Variants in WDPCP observed in about 807,000 individuals in gnomAD.
WDPCP encodes WD repeat containing planar cell polarity effector, also known as WD repeat-containing and planar cell polarity effector protein fritz homolog.
A neutral mutation model predicts 93.1 loss-of-function variants in WDPCP; 71 were observed. The observed-to-expected ratio is 0.76, with a 90% CI of 0.63 to 0.93. The LOEUF is 0.93. Among genes scored for constraint, WDPCP ranks in the 40% least tolerant of loss-of-function variants. WDPCP has a pLI of 0.00. For synonymous variants in WDPCP, 315 were observed against 315.0 expected, an observed-to-expected ratio of 1.00 and a Z score of 0.00; for missense variants, 844 against 887.4, an observed-to-expected ratio of 0.95 and a Z score of 0.62.
chr2:63,410,628 C>A (rs1694955548), intron 9 of WDPCP, among the ~76,000 whole-genome samples: 1 of 152,126 alleles, frequency 6.6e-6, no homozygotes, highest in Non-Finnish European at 1.5e-5. Context: ...CTACCAACTA[C>A]CTGATGCCTT....
At chr2:63,155,275 A>G (rs1365416545) in intron 15 of WDPCP, among the ~76,000 whole-genome samples, 1 of 152,104 alleles carries the variant, frequency 6.6e-6, no homozygotes, top group African/African-American at 2.4e-5. Flanking sequence ...ATTTAGATCT[A>G]TGATTTATTT....
chr2:63,732,265 G>C (rs1433981281), intron 2 of WDPCP, among the ~76,000 whole-genome samples: 3 of 152,204 alleles, frequency 2.0e-5, no homozygotes, highest in Non-Finnish European at 4.4e-5. Flanking sequence ...ATTAAAATGG[G>C]ACATAAAGAA....
intron 1 of WDPCP, among the ~76,000 whole-genome samples, chr2:63,823,952 T>C (rs1452647659): frequency 1.3e-5 from 2 of 151,900 alleles, no homozygotes; most frequent in Non-Finnish European, 2.9e-5. Flanking sequence ...GGCAGGAGGG[T>C]TGCTTGAGCC....
chr2:63,513,925 C>T (rs150498931), intron 1 of WDPCP, among the ~76,000 whole-genome samples: 185 of 151,790 alleles, frequency 1.2e-3, no homozygotes, highest in African/African-American at 4.4e-3. Context: ...ATTTACTGTG[C>T]TTTTCTCTTG....
intron 1 of WDPCP, among the ~76,000 whole-genome samples, chr2:63,522,495 CAA>C (rs1491344260): frequency 4.0e-5 from 6 of 149,842 alleles, no homozygotes; most frequent in African/African-American, 9.8e-5. Context: ...CACACACACA[CAA>C]ACATACAAAA....
chr2:63,793,278 A>G (rs1670568911), intron 2 of WDPCP, among the ~76,000 whole-genome samples: 1 of 152,050 alleles, frequency 6.6e-6, no homozygotes, highest in African/African-American at 2.4e-5. Context: ...GAGCTTCTTG[A>G]TTCTTTTTAA....
At chr2:63,659,028 C>T (rs1710198346) in intron 2 of WDPCP, among the ~76,000 whole-genome samples, 1 of 152,196 alleles carries the variant, frequency 6.6e-6, no homozygotes, top group Non-Finnish European at 1.5e-5. Context: ...CTATATTCAC[C>T]TTTGGAAACC....
At chr2:63,353,557 A>C (rs1158436898) in intron 12 of WDPCP, among the ~76,000 whole-genome samples, 1 of 152,160 alleles carries the variant, frequency 6.6e-6, no homozygotes, top group Non-Finnish European at 1.5e-5. Context: ...TGGAGAGTCC[A>C]AGCTGACCAG....
chr2:63,673,215 C>G (rs1264367291), intron 2 of WDPCP, among the ~76,000 whole-genome samples: 1 of 151,996 alleles, frequency 6.6e-6, no homozygotes, highest in African/African-American at 2.4e-5. Context: ...GAGGAGATAC[C>G]AAACCACTTA....
At chr2:63,704,016 G>A (rs1435839274) in intron 2 of WDPCP, among the ~76,000 whole-genome samples, 6 of 152,042 alleles carry the variant, frequency 3.9e-5, no homozygotes, top group African/African-American at 7.2e-5. Context: ...GGTCCTTCAT[G>A]TCCCTTGTAA....
chr2:63,435,013 C>T (rs772229390), intron 8 of WDPCP, among the ~76,000 whole-genome samples: 1 of 151,900 alleles, frequency 6.6e-6, no homozygotes, highest in Non-Finnish European at 1.5e-5. Context: ...TATTTTTTTT[C>T]AATATGGTCA....
chr2:63,197,827 A>C (rs1019178000), intron 14 of WDPCP, among the ~76,000 whole-genome samples: 2 of 152,216 alleles, frequency 1.3e-5, no homozygotes, highest in African/African-American at 4.8e-5. Context: ...ACCTAGCCAA[A>C]GAAAGTTCTC....
intron 13 of WDPCP, among the ~76,000 whole-genome samples, chr2:63,297,115 C>A (rs1159476608): frequency 6.6e-6 from 1 of 152,146 alleles, no homozygotes; most frequent in Non-Finnish European, 1.5e-5. Context: ...AGCCAGCAAA[C>A]GAGGCACAGC....
At chr2:63,578,593 C>T (rs903816923) in intron 1 of WDPCP, among the ~76,000 whole-genome samples, 2 of 151,986 alleles carry the variant, frequency 1.3e-5, no homozygotes, top group African/African-American at 2.4e-5. Context: ...GTAAGTAAAA[C>T]GGGAAACTTA....
At chr2:63,589,414 T>C, upstream of WDPCP, 2 of 1,542,958 alleles carry the variant, frequency 1.3e-6, no homozygotes, top group South Asian at 2.4e-5. Flanking sequence ...GGTTGGGTCC[T>C]AACCCCTTTT....
At chr2:63,318,226 T>G (rs1043133008) in intron 12 of WDPCP, among the ~76,000 whole-genome samples, 2 of 152,058 alleles carry the variant, frequency 1.3e-5, no homozygotes, top group African/African-American at 4.8e-5. Flanking sequence ...TACCATCTCA[T>G]AACCAGTCAG....
chr2:63,306,604 C>T (rs904424938), intron 13 of WDPCP, among the ~76,000 whole-genome samples: 14 of 152,270 alleles, frequency 9.2e-5, no homozygotes, highest in Admixed American at 8.5e-4. Context: ...AATAAATAAA[C>T]GTAATCCATC....
At chr2:63,234,663 T>C (rs559420490) in intron 14 of WDPCP, among the ~76,000 whole-genome samples, 1 of 152,288 alleles carries the variant, frequency 6.6e-6, no homozygotes, top group South Asian at 2.1e-4. Context: ...TCTCTGTGAT[T>C]AGTTTATTAT....
At chr2:63,722,963 T>A (rs1190318186) in intron 2 of WDPCP, among the ~76,000 whole-genome samples, 1 of 152,162 alleles carries the variant, frequency 6.6e-6, no homozygotes, top group Non-Finnish European at 1.5e-5. Flanking sequence ...TGCCTTGGGA[T>A]CCTGTTGATC....
Sources: gnomAD v4.1 joint callset for allele counts (sites outside exome capture counted in the v4.1 genomes callset) on GRCh38, gnomAD v4.1.1 for gene constraint, MANE v1.5 for transcripts, NCBI Gene and HGNC (gene_info 2026-07-23, HGNC 2026-07-21) for gene names.